Variants in FBXL14 observed in about 807,000 individuals in gnomAD.
The protein encoded by FBXL14 is F-box/LRR-repeat protein 14.
FBXL14 carries 11 observed loss-of-function variants against 24.5 expected under a neutral mutation model. That is an observed-to-expected ratio of 0.45 (90% CI 0.28 to 0.74). FBXL14 has a LOEUF of 0.74. Ranked by LOEUF, FBXL14 falls within the 30% of genes least tolerant of loss-of-function variation. FBXL14 has a pLI of 0.12. For synonymous variants in FBXL14, 294 were observed against 240.4 expected, an observed-to-expected ratio of 1.22 and a Z score of -2.06; for missense variants, 384 against 545.6, an observed-to-expected ratio of 0.70 and a Z score of 2.95.
Position 1,593,780 on chromosome 12 carries a change from T to C in FBXL14, c.287A>G (p.Asn96Ser). 1.2e-6 allele frequency: 2 copies of C among 1,614,124 alleles called. No individual in the cohort carries two copies. The highest frequency in any genetic ancestry group is 1.7e-6 in the Non-Finnish European group (2 of 1,180,002). Reference sequence around the variant, plus strand: ...GGTGAGGTTGTAGCAGCCGCTGAGGTTGAGGCTCTCGATGTTGGCCATGCC... The same window carrying C: ...GGTGAGGTTGTAGCAGCCGCTGAGGCTGAGGCTCTCGATGTTGGCCATGCC... ...IQGMANIESL[N>S]LSGCYNLTDN... The change falls in exon 1 of 2, where the codon AAC (asparagine) becomes AGC (serine). Residue 96 changes from asparagine to serine, a missense_variant. Transcript: ENST00000339235. The surrounding 1 kb of genome is among the most constrained non-coding windows in gnomAD (Gnocchi z 7.4).
chr12:1,591,734 C>T (rs536427007), intron 1 of FBXL14, among the ~76,000 whole-genome samples: 1 of 152,230 alleles, frequency 6.6e-6, no homozygotes, highest in East Asian at 1.9e-4. Flanking sequence ...ATATGAGCTT[C>T]ATCACAGCCC....
At chr12:1,568,490 A>C (rs1035089469) in intron 1 of FBXL14, among the ~76,000 whole-genome samples, 1 of 152,200 alleles carries the variant, frequency 6.6e-6, no homozygotes. Flanking sequence ...GAATAAGTGA[A>C]AGCAAAATAA....
chr12:1,591,880 C>T (rs899995361), intron 1 of FBXL14, among the ~76,000 whole-genome samples: 1 of 152,148 alleles, frequency 6.6e-6, no homozygotes, highest in South Asian at 2.1e-4. Context: ...AAGACACAAT[C>T]TGCATCTCCA....
chr12:1,592,017 G>A lies in FBXL14; in HGVS notation c.1194+856C>T, dbSNP rs182222954. On this transcript the variant is annotated intron_variant, in intron 1 of 1. Transcript: ENST00000339235. ...AATTATAGCCAGAATGTGGAAGTGG[G>A]GCACACTGGACGGATGGAGGCTGGG... is the stretch of plus-strand genomic sequence containing the variant. Among the ~76,000 whole-genome samples, 408 of 151,990 alleles carry A rather than the reference G, an allele frequency of 2.7e-3. 2 individuals carry two copies. Among genetic ancestry groups the A allele is most frequent in the Non-Finnish European group, 4.7e-3 (322 of 67,996 alleles).
rs548368588 is a variant in FBXL14 at position 1,569,885 on chromosome 12, G to A, written c.1195-3075C>T. Among the ~76,000 whole-genome samples the A allele has an allele frequency of 2.0e-5, 3 of 152,326 alleles. No individual in the cohort carries two copies. The highest frequency in any genetic ancestry group is 4.1e-4 in the South Asian group (2 of 4,824). Reference sequence around the variant, plus strand: ...CTCACACAGAGCCAAGGGAGGGCAGGGCGCACCACATGCCCACTGCAGAGC... The same window carrying A: ...CTCACACAGAGCCAAGGGAGGGCAGAGCGCACCACATGCCCACTGCAGAGC... On this transcript the variant is annotated intron_variant, in intron 1 of 1. Coordinates refer to ENST00000339235, the MANE Select transcript of FBXL14 (RefSeq NM_152441.3). This position sits in a 1 kb window ranked among gnomAD's most constrained non-coding sequence, Gnocchi z 4.2.
At chr12:1,590,488 A>C (rs966391454) in intron 1 of FBXL14, among the ~76,000 whole-genome samples, 1 of 152,148 alleles carries the variant, frequency 6.6e-6, no homozygotes, top group Admixed American at 6.5e-5. Context: ...CAGGAATATG[A>C]ACCACTCCCC....
intron 1 of FBXL14, among the ~76,000 whole-genome samples, chr12:1,575,447 TG>T: frequency 6.6e-6 from 1 of 152,182 alleles, no homozygotes; most frequent in Admixed American, 6.5e-5. Context: ...TTTGCATCCC[TG>T]GGGTTAATGG....
intron 1 of FBXL14, among the ~76,000 whole-genome samples, chr12:1,592,096 C>A (rs1470918083): frequency 6.6e-6 from 1 of 151,512 alleles, no homozygotes. Flanking sequence ...CCAGTCTAGG[C>A]ACAAACATGT....
rs1325917030 is a variant in FBXL14 at position 1,566,697 on chromosome 12, C to A, written c.*51G>T. On this transcript the variant is annotated 3_prime_UTR_variant, in exon 2 of 2. Transcript: ENST00000339235. ...CAGAGTGCCGGAGGCGCAGAGCGGG[C>A]AAGTCTGGAAGTTAAAGATCCACGG... 3.8e-6 allele frequency: 3 copies of A among 779,512 alleles called. No homozygotes were observed. Among genetic ancestry groups the A allele is most frequent in the Non-Finnish European group, 7.2e-6 (3 of 417,428 alleles). The allele number at this position is 779,512 out of a possible 1,614,324, so 48.3% of individuals were successfully genotyped here. A position where few individuals can be genotyped will look rare whatever the true frequency, so the allele number is the denominator to read the frequency against.
chr12:1,571,180 C>T (rs1165526246), intron 1 of FBXL14, among the ~76,000 whole-genome samples: 1 of 149,456 alleles, frequency 6.7e-6, no homozygotes, highest in African/African-American at 2.4e-5. Flanking sequence ...AAAACAGTTT[C>T]TTTTTTCTGG....
intron 1 of FBXL14, among the ~76,000 whole-genome samples, chr12:1,582,430 T>C (rs548948868): frequency 6.6e-6 from 1 of 152,232 alleles, no homozygotes; most frequent in East Asian, 1.9e-4. Context: ...TTTCTTCTTC[T>C]TGGCTTTGTG....
chr12:1,581,231 G>T (rs1365712945), intron 1 of FBXL14, among the ~76,000 whole-genome samples: 2 of 152,032 alleles, frequency 1.3e-5, no homozygotes, highest in African/African-American at 2.4e-5. Context: ...GGGTGTGCTG[G>T]TAGCAGCTAA....
At chr12:1,591,456 A>G (rs1271629544) in intron 1 of FBXL14, among the ~76,000 whole-genome samples, 2 of 143,094 alleles carry the variant, frequency 1.4e-5, no homozygotes, top group Admixed American at 7.3e-5. Flanking sequence ...GATCTTTGTT[A>G]TTATTTATAC....
In FBXL14 at chr12:1,569,177, TC is replaced by T. The variant is rs1419767975; in HGVS notation, c.1195-2368del. 6.6e-6 allele frequency among the ~76,000 whole-genome samples: 1 copy of T among 152,182 alleles called. No individual in the cohort carries two copies. The highest frequency in any genetic ancestry group is 1.5e-5 in the Non-Finnish European group (1 of 68,024). ...ATATAATCAATGCTTGTTTTGCTTC[TC>T]TTTTTTCTCCTTTTCATTTTCCTTT... On this transcript the variant is annotated intron_variant, in intron 1 of 1. Transcript: ENST00000339235. This position sits in a 1 kb window ranked among gnomAD's most constrained non-coding sequence, Gnocchi z 4.2.
At position 1,569,622 on chromosome 12, in the gene FBXL14, G is replaced by C. The variant is rs868229508; in HGVS notation, c.1195-2812C>G. On this transcript the variant is annotated intron_variant, in intron 1 of 1. Coordinates refer to ENST00000339235, the MANE Select transcript of FBXL14 (RefSeq NM_152441.3). The surrounding 1 kb of genome is among the most constrained non-coding windows in gnomAD (Gnocchi z 4.2). ...TCACCGTGTTAGCCAGGATGGTCTCGATCTCCTGAACTTGTGATCCGCCCG... is the reference window on the plus strand; with the variant it reads ...TCACCGTGTTAGCCAGGATGGTCTCCATCTCCTGAACTTGTGATCCGCCCG... Among the ~76,000 whole-genome samples, 1 of 152,106 alleles carries C rather than the reference G, an allele frequency of 6.6e-6. No individual in the cohort carries two copies. The highest frequency in any genetic ancestry group is 1.5e-5 in the Non-Finnish European group (1 of 68,022).
rs571610130 is a variant in FBXL14 at position 1,579,638 on chromosome 12, A to G, written c.1195-12828T>C. On this transcript the variant is annotated intron_variant, in intron 1 of 1. Coordinates refer to ENST00000339235, the MANE Select transcript of FBXL14 (RefSeq NM_152441.3). This position sits in a 1 kb window ranked among gnomAD's most constrained non-coding sequence, Gnocchi z 4.3. ...AAAAAAAAAAAAAATGTAGTTATCA[A>G]TTTTTTGTTTTTGACCAAAAGTATT... Among the ~76,000 whole-genome samples the G allele has an allele frequency of 1.3e-5, 2 of 152,106 alleles. No individual in the cohort carries two copies. Among genetic ancestry groups the G allele is most frequent in the South Asian group, 2.1e-4 (1 of 4,802 alleles).
At chr12:1,576,026 C>G (rs1353179591) in intron 1 of FBXL14, among the ~76,000 whole-genome samples, 1 of 152,188 alleles carries the variant, frequency 6.6e-6, no homozygotes, top group Non-Finnish European at 1.5e-5. Context: ...CAGCACAGCC[C>G]AACAGGTTTT....
At chr12:1,572,075 CAA>C (rs1462489921) in intron 1 of FBXL14, among the ~76,000 whole-genome samples, 5 of 152,118 alleles carry the variant, frequency 3.3e-5, no homozygotes, top group African/African-American at 4.8e-5. Flanking sequence ...CTATGAGAAA[CAA>C]GAGAAGTGGC....
At chr12:1,590,426 A>G (rs2094486836) in intron 1 of FBXL14, among the ~76,000 whole-genome samples, 1 of 152,146 alleles carries the variant, frequency 6.6e-6, no homozygotes, top group African/African-American at 2.4e-5. Context: ...GCTCTTGCTG[A>G]GATCAGTATT....
Sources: gnomAD v4.1 joint callset for allele counts (sites outside exome capture counted in the v4.1 genomes callset) on GRCh38, gnomAD v4.1.1 for gene constraint, Gnocchi (gnomAD v3.1) non-coding constraint, MANE v1.5 for transcripts, NCBI Gene and HGNC (gene_info 2026-07-23, HGNC 2026-07-21) for gene names.